IQCJ: variants seen among roughly 807,000 people sequenced by gnomAD.
IQCJ encodes IQ domain-containing protein J.
A neutral mutation model predicts 11.0 loss-of-function variants in IQCJ; 9 were observed. The observed-to-expected ratio is 0.82, with a 90% CI of 0.49 to 1.43. The LOEUF (loss-of-function observed/expected upper bound fraction) is 1.43, where lower values mean the gene tolerates loss of function less well. IQCJ is among the 40% of genes most tolerant of loss of function. The pLI, the probability that IQCJ is intolerant of heterozygous loss-of-function variation, is 0.00. For missense variants in IQCJ, 146 were observed against 133.2 expected, an observed-to-expected ratio of 1.10 and a Z score of -0.47; for synonymous variants, 55 against 51.3, an observed-to-expected ratio of 1.07 and a Z score of -0.31.
chr3:159,229,390 G>A (rs1405195513), intron 1 of IQCJ, among the ~76,000 whole-genome samples: 1 of 152,028 alleles, frequency 6.6e-6, no homozygotes, highest in East Asian at 1.9e-4. Context: ...ATGTCAAAAT[G>A]TTTAAGTCAG....
chr3:159,115,052 CATA>C (rs1223760445), intron 1 of IQCJ, among the ~76,000 whole-genome samples: 3 of 152,226 alleles, frequency 2.0e-5, no homozygotes, highest in Non-Finnish European at 2.9e-5. Flanking sequence ...CTAGAAAGCA[CATA>C]ATATGGTTCA....
chr3:159,246,009 T>G (rs1287681858), intron 2 of IQCJ, 102 bp downstream of exon 2: 3 of 891,182 alleles, frequency 3.4e-6, no homozygotes, highest in Non-Finnish European at 5.1e-6. Context: ...GACAGTTTCT[T>G]ATGTTATCAT....
intron 1 of IQCJ, among the ~76,000 whole-genome samples, chr3:159,180,988 C>T (rs1276546073): frequency 6.6e-6 from 1 of 151,926 alleles, no homozygotes; most frequent in Non-Finnish European, 1.5e-5. Context: ...AAAATATATT[C>T]TTGATTAAAC....
intron 1 of IQCJ, among the ~76,000 whole-genome samples, chr3:159,071,457 T>G (rs1044437516): frequency 1.4e-4 from 21 of 152,032 alleles, no homozygotes; most frequent in African/African-American, 5.1e-4. Flanking sequence ...ATTGAATGAA[T>G]AGGATGGCTA....
chr3:159,202,291 A>T (rs144868587), intron 1 of IQCJ, among the ~76,000 whole-genome samples: 46 of 152,304 alleles, frequency 3.0e-4, no homozygotes, highest in African/African-American at 9.6e-4. Context: ...CCAGCCTGAG[A>T]CCTGGAAAGA....
chr3:159,087,342 G>GC (rs1716858979), intron 1 of IQCJ, among the ~76,000 whole-genome samples: 1 of 150,056 alleles, frequency 6.7e-6, no homozygotes, highest in African/African-American at 2.5e-5. Flanking sequence ...GAGGATTTTT[G>GC]CATCAATGTT....
At chr3:159,115,170 A>G (rs1718893759) in intron 1 of IQCJ, among the ~76,000 whole-genome samples, 2 of 152,214 alleles carry the variant, frequency 1.3e-5, no homozygotes, top group Non-Finnish European at 2.9e-5. Flanking sequence ...GTGGTTTCAT[A>G]TAATAAAAGT....
chr3:159,118,717 A>G (rs1261562050), intron 1 of IQCJ, among the ~76,000 whole-genome samples: 1 of 152,196 alleles, frequency 6.6e-6, no homozygotes, highest in African/African-American at 2.4e-5. Context: ...AACCATACAC[A>G]TACTGAACAC....
chr3:159,126,600 A>G (rs949726653), intron 1 of IQCJ, among the ~76,000 whole-genome samples: 7 of 152,222 alleles, frequency 4.6e-5, no homozygotes, highest in African/African-American at 1.4e-4. Flanking sequence ...TCATCAATTT[A>G]ACTGAACTGA....
At chr3:159,189,363 C>T (rs1488583988) in intron 1 of IQCJ, among the ~76,000 whole-genome samples, 2 of 152,284 alleles carry the variant, frequency 1.3e-5, no homozygotes, top group Non-Finnish European at 2.9e-5. Flanking sequence ...TTTGGTTTAG[C>T]TATCTATAAT....
intron 1 of IQCJ, among the ~76,000 whole-genome samples, chr3:159,153,165 T>C (rs1721324585): frequency 6.6e-6 from 1 of 152,200 alleles, no homozygotes; most frequent in Non-Finnish European, 1.5e-5. Context: ...ACTGACGGAA[T>C]TATAAAAATT....
chr3:159,167,862 GGAAGA>G (rs1355481761), intron 1 of IQCJ, among the ~76,000 whole-genome samples: 1 of 152,200 alleles, frequency 6.6e-6, no homozygotes, highest in Non-Finnish European at 1.5e-5. Flanking sequence ...TGATAGAGGA[GGAAGA>G]GAAGAGAAGA....
At chr3:159,213,931 A>C (rs1382280048) in intron 1 of IQCJ, among the ~76,000 whole-genome samples, 1 of 152,010 alleles carries the variant, frequency 6.6e-6, no homozygotes, top group South Asian at 2.1e-4. Flanking sequence ...TTTTCAATCT[A>C]CTTTTGGGGC....
intron 1 of IQCJ, among the ~76,000 whole-genome samples, chr3:159,193,304 G>T (rs1242930929): frequency 6.6e-6 from 1 of 152,168 alleles, no homozygotes; most frequent in Non-Finnish European, 1.5e-5. Context: ...TCTACCTAAT[G>T]ATTCTAGATC....
chr3:159,158,538 A>G (rs1721662446), intron 1 of IQCJ, among the ~76,000 whole-genome samples: 1 of 152,230 alleles, frequency 6.6e-6, no homozygotes, highest in Admixed American at 6.5e-5. Flanking sequence ...CATTATGATT[A>G]GTACAATGCC....
At chr3:159,130,690 G>A (rs1719940645) in intron 1 of IQCJ, among the ~76,000 whole-genome samples, 1 of 152,138 alleles carries the variant, frequency 6.6e-6, no homozygotes, top group African/African-American at 2.4e-5. Context: ...AGCATTTCCT[G>A]TATGTCAGGA....
intron 1 of IQCJ, among the ~76,000 whole-genome samples, chr3:159,228,506 C>T (rs139563114): frequency 2.1e-3 from 318 of 152,278 alleles, no homozygotes; most frequent in African/African-American, 7.4e-3. Flanking sequence ...AAAGTGATGG[C>T]CTGGCCGGGC....
chr3:159,118,150 A>G lies in IQCJ; in HGVS notation c.9+48709A>G, dbSNP rs553319571. Among the ~76,000 whole-genome samples the G allele has an allele frequency of 3.9e-5, 6 of 152,334 alleles. No individual in the cohort carries two copies. The South Asian group carries it at 1.2e-3, about 32-fold the overall frequency. On this transcript the variant is annotated intron_variant, in intron 1 of 3. Transcript: ENST00000397832. ...GTTTCATAACATCAGCAATTATAAAATGGAATTTTAAGGTACTAAACTCAA... is the reference window on the plus strand; with the variant it reads ...GTTTCATAACATCAGCAATTATAAAGTGGAATTTTAAGGTACTAAACTCAA...
At chr3:159,142,430 CCCA>C (rs1351173116) in intron 1 of IQCJ, among the ~76,000 whole-genome samples, 7 of 129,928 alleles carry the variant, frequency 5.4e-5, no homozygotes, top group African/African-American at 1.6e-4. Context: ...TTTTCCCCCC[CCCA>C]CCAGATGGAG....
Sources: allele counts gnomAD v4.1 joint callset (sites outside exome capture counted in the v4.1 genomes callset), GRCh38; gene constraint gnomAD v4.1.1; transcripts MANE v1.5; gene names NCBI Gene and HGNC (gene_info 2026-07-23, HGNC 2026-07-21).